Variants in NEXMIF observed in about 807,000 individuals in gnomAD.
NEXMIF encodes the protein neurite extension and migration factor.
Under a neutral mutation model 62.1 loss-of-function variants are expected in NEXMIF, and 8 were observed. That is an observed-to-expected ratio of 0.13 (90% CI 0.08 to 0.23). The LOEUF (loss-of-function observed/expected upper bound fraction) is 0.23. NEXMIF is among the 10% of genes least tolerant of loss of function. NEXMIF has a pLI of 1.00. For missense variants in NEXMIF, 976 were observed against 1,113.3 expected, an observed-to-expected ratio of 0.88 and a Z score of 1.75; for synonymous variants, 404 against 416.6, an observed-to-expected ratio of 0.97 and a Z score of 0.37.
chrX:74,905,887 A>T (rs1228144717), intron 1 of NEXMIF, among the ~76,000 whole-genome samples: 2 of 111,950 alleles, frequency 1.8e-5, no homozygotes, highest in Non-Finnish European at 3.8e-5. Flanking sequence ...ACGTTGAACT[A>T]TTTCTTTTCC....
chrX:74,916,433 G>C (rs181056920), intron 1 of NEXMIF, among the ~76,000 whole-genome samples: 2 of 111,753 alleles, frequency 1.8e-5, no homozygotes, highest in Non-Finnish European at 3.8e-5. Flanking sequence ...GCCTTTAAAA[G>C]GTGAATGGAT....
chrX:74,793,231 A>T (rs1454302275), intron 1 of NEXMIF, among the ~76,000 whole-genome samples: 1 of 110,095 alleles, frequency 9.1e-6, no homozygotes, highest in Non-Finnish European at 1.9e-5. Context: ...TCCTTCACTT[A>T]TGAAGCTTAG....
chrX:74,859,101 C>CA (rs1328847281), intron 1 of NEXMIF, among the ~76,000 whole-genome samples: 1 of 110,912 alleles, frequency 9.0e-6, no homozygotes, highest in Non-Finnish European at 1.9e-5. Context: ...AAAGTTTATT[C>CA]AGAGATAATA....
chrX:74,803,758 T>C lies in NEXMIF; in HGVS notation c.-47-58061A>G, dbSNP rs1001156613. ...GAGTGGCATGACATATTTAAAGTGC[T>C]GAAGGAAAAAAAAAACACACACACT... On this transcript the variant is annotated intron_variant, in intron 1 of 3. Transcript: ENST00000055682. Among the ~76,000 whole-genome samples the C allele has an allele frequency of 3.8e-4, 22 of 58,550 alleles. 1 individual carries two copies. The East Asian group carries it at 3.9e-3, about 10-fold the overall frequency. The allele number at this position is 58,550 out of a possible 115,157, so 50.8% of individuals were successfully genotyped here.
chrX:74,885,975 G>C (rs1057200893), intron 1 of NEXMIF, among the ~76,000 whole-genome samples: 1 of 111,925 alleles, frequency 8.9e-6, no homozygotes, highest in Non-Finnish European at 1.9e-5. Flanking sequence ...TCATCCCTGG[G>C]ATGCAAGGCT....
chrX:74,905,931 T>C (rs1400876154), intron 1 of NEXMIF, among the ~76,000 whole-genome samples: 1 of 112,182 alleles, frequency 8.9e-6, no homozygotes, highest in Non-Finnish European at 1.9e-5. Context: ...TTTCATGGAT[T>C]CTTTTGATAA....
intron 1 of NEXMIF, among the ~76,000 whole-genome samples, chrX:74,886,508 GACAA>G (rs1015505202): frequency 1.2e-4 from 13 of 111,555 alleles, no homozygotes; most frequent in East Asian, 2.8e-4. Flanking sequence ...ACCAAAAACA[GACAA>G]ACAGAGAGCC....
intron 1 of NEXMIF, among the ~76,000 whole-genome samples, chrX:74,779,641 C>T (rs1429492300): frequency 8.9e-6 from 1 of 112,123 alleles, no homozygotes; most frequent in African/African-American, 3.2e-5. Flanking sequence ...CTGCCTTCTT[C>T]CTCTGTCTTT....
chrX:74,801,814 G>A (rs2080330596), intron 1 of NEXMIF, among the ~76,000 whole-genome samples: 1 of 112,205 alleles, frequency 8.9e-6, no homozygotes, highest in South Asian at 3.8e-4. Flanking sequence ...CCTGCACTGG[G>A]CCAGAGCAGA....
chrX:74,792,387 A>G (rs1394988227), intron 1 of NEXMIF, among the ~76,000 whole-genome samples: 1 of 104,436 alleles, frequency 9.6e-6, no homozygotes, highest in Non-Finnish European at 2.0e-5. Flanking sequence ...GGAGAGCTTT[A>G]CTTCCAAGTA....
rs1039624916 is a variant in NEXMIF at position 74,744,571 on chromosome X, A to T, written c.80-94T>A. 2.8e-5 allele frequency: 16 copies of T among 575,593 alleles called. No homozygotes were observed. The African/African-American group carries it at 3.4e-4, about 12-fold the overall frequency. 47.4% of individuals were successfully genotyped at this position (575,593 alleles called of 1,213,427 possible). A position where few individuals can be genotyped will look rare whatever the true frequency, so the allele number is the denominator to read the frequency against. ...TCCCTTGATCAGTTTCTGGTACTTGATCTTATTATATAAGCTAAGCCTTCA... is the reference window on the plus strand; with the variant it reads ...TCCCTTGATCAGTTTCTGGTACTTGTTCTTATTATATAAGCTAAGCCTTCA... On this transcript the variant is annotated intron_variant, in intron 2 of 3. Coordinates refer to ENST00000055682, the MANE Select transcript of NEXMIF (RefSeq NM_001008537.3).
At chrX:74,754,304 ATTTTTTTATTTTTT>A (rs1337417025) in intron 1 of NEXMIF, among the ~76,000 whole-genome samples, 1 of 96,508 alleles carries the variant, frequency 1.0e-5, no homozygotes, top group Non-Finnish European at 2.1e-5. Flanking sequence ...TTTTATTTTT[ATTTTTTTATTTTTT>A]TTTTTTGTGA....
chrX:74,883,877 T>G (rs1038620973), intron 1 of NEXMIF, among the ~76,000 whole-genome samples: 1 of 111,079 alleles, frequency 9.0e-6, no homozygotes, highest in African/African-American at 3.3e-5. Flanking sequence ...AAGGAAAAAA[T>G]GTTAAGGGCA....
intron 1 of NEXMIF, among the ~76,000 whole-genome samples, chrX:74,772,708 T>A (rs1174941213): frequency 8.9e-6 from 1 of 112,479 alleles, no homozygotes; most frequent in African/African-American, 3.2e-5. Flanking sequence ...AGTCATCTGT[T>A]CCTTGCAGAA....
At chrX:74,864,825 C>A (rs2080571911) in intron 1 of NEXMIF, among the ~76,000 whole-genome samples, 1 of 110,792 alleles carries the variant, frequency 9.0e-6, no homozygotes, top group South Asian at 3.9e-4. Flanking sequence ...TCTCATGCCT[C>A]AGCCTCCTGA....
chrX:74,883,940 C>T (rs891257051), intron 1 of NEXMIF, among the ~76,000 whole-genome samples: 5 of 112,273 alleles, frequency 4.5e-5, no homozygotes, highest in African/African-American at 1.3e-4. Flanking sequence ...AGACTAACAG[C>T]GGATCTCTCT....
chrX:74,806,836 T>C (rs1309626328), intron 1 of NEXMIF, among the ~76,000 whole-genome samples: 1 of 112,996 alleles, frequency 8.8e-6, no homozygotes, highest in African/African-American at 3.2e-5. Context: ...CTTTTCCTTA[T>C]TGCATTGCCT....
At chrX:74,856,264 T>C (rs1399667499) in intron 1 of NEXMIF, among the ~76,000 whole-genome samples, 3 of 112,067 alleles carry the variant, frequency 2.7e-5, no homozygotes, top group African/African-American at 9.7e-5. Context: ...CATTCTAGAC[T>C]CAAAAGTATA....
intron 1 of NEXMIF, among the ~76,000 whole-genome samples, chrX:74,756,456 T>C (rs1343178923): frequency 9.0e-6 from 1 of 110,723 alleles, no homozygotes; most frequent in Non-Finnish European, 1.9e-5. Context: ...TAAGGCCATG[T>C]CCCCCCACCC....
Sources: gnomAD v4.1 joint callset for allele counts (sites outside exome capture counted in the v4.1 genomes callset) on GRCh38, gnomAD v4.1.1 for gene constraint, MANE v1.5 for transcripts, NCBI Gene and HGNC (gene_info 2026-07-23, HGNC 2026-07-21) for gene names.